KAT6B: variants seen among roughly 807,000 people sequenced by gnomAD.
KAT6B encodes lysine acetyltransferase 6B.
KAT6B carries 10 observed loss-of-function variants against 187.5 expected under a neutral mutation model. The ratio of observed to expected loss-of-function variants is 0.05; its 90% CI spans 0.03 to 0.09. KAT6B has a LOEUF of 0.09. Ranked by LOEUF, KAT6B falls within the 10% of genes least tolerant of loss-of-function variation. KAT6B has a pLI of 1.00. For missense variants in KAT6B, 1,952 were observed against 2,558.9 expected (o/e 0.76, Z 5.12); for synonymous variants, 861 against 926.8 (o/e 0.93, Z 1.29).
At chr10:74,900,240 G>A (rs1182029541) in intron 3 of KAT6B, among the ~76,000 whole-genome samples, 3 of 152,052 alleles carry the variant, frequency 2.0e-5, no homozygotes, top group Admixed American at 6.5e-5. Context: ...TGTCATCCTT[G>A]TCTATATTGA....
intron 4 of KAT6B, among the ~76,000 whole-genome samples, chr10:74,964,046 G>C (rs1185700077): frequency 6.6e-6 from 1 of 152,180 alleles, no homozygotes; most frequent in Non-Finnish European, 1.5e-5. Context: ...CAGGAGAATG[G>C]CTTGAAGCCG....
chr10:74,970,289 A>G (rs1196428594), intron 6 of KAT6B, among the ~76,000 whole-genome samples, 188 bp downstream of exon 6: 1 of 151,522 alleles, frequency 6.6e-6, no homozygotes, highest in Non-Finnish European at 1.5e-5. Context: ...AAATACATAT[A>G]TATATGTGTA....
intron 3 of KAT6B, among the ~76,000 whole-genome samples, chr10:74,854,475 T>C (rs1442501669): frequency 1.3e-5 from 2 of 152,132 alleles, no homozygotes; most frequent in African/African-American, 4.8e-5. Flanking sequence ...TTTTCTGTTT[T>C]TTTTTAATGA....
rs1452668099 is a variant in KAT6B, at chr10:75,004,820, G to A, written c.2629+15708G>A. 7.2e-5 allele frequency among the ~76,000 whole-genome samples: 11 copies of A among 152,150 alleles called. 1 individual carries two copies. The South Asian group carries it at 1.9e-3, about 26-fold the overall frequency. ...GAGCTAAAGTGATCCTCCCATGTCAGCCTCCCAAGTAGCTGGGATTACAGG... is the reference window on the plus strand; with the variant it reads ...GAGCTAAAGTGATCCTCCCATGTCAACCTCCCAAGTAGCTGGGATTACAGG... On this transcript the variant is annotated intron_variant, in intron 13 of 17. Transcript: ENST00000287239.
intron 3 of KAT6B, among the ~76,000 whole-genome samples, chr10:74,921,368 A>C (rs1848115645): frequency 6.6e-6 from 1 of 150,642 alleles, no homozygotes; most frequent in Non-Finnish European, 1.5e-5. Flanking sequence ...CCTGCCTTGA[A>C]CTCCCAAAGT....
intron 1 of KAT6B, among the ~76,000 whole-genome samples, chr10:74,829,304 G>A (rs1840550726): frequency 6.6e-6 from 1 of 152,222 alleles, no homozygotes; most frequent in Non-Finnish European, 1.5e-5. Context: ...TAATTTTAAT[G>A]TGCTTCATAA....
At chr10:75,019,782 C>A (rs1242221611) in intron 13 of KAT6B, among the ~76,000 whole-genome samples, 2 of 93,586 alleles carry the variant, frequency 2.1e-5, no homozygotes, top group East Asian at 6.3e-4. Context: ...TTTTTTTTTT[C>A]CATTTTTAAA....
intron 15 of KAT6B, 57 bp from the exon 16 acceptor site, chr10:75,021,824 G>T (rs139138574): frequency 1.9e-6 from 3 of 1,592,350 alleles, no homozygotes; most frequent in Non-Finnish European, 2.6e-6. Flanking sequence ...GATCCTCAGA[G>T]GCTCTGGCTG....
intron 3 of KAT6B, among the ~76,000 whole-genome samples, chr10:74,895,455 A>G (rs1389798957): frequency 6.6e-6 from 1 of 152,040 alleles, no homozygotes; most frequent in Non-Finnish European, 1.5e-5. Context: ...TCAGGTCTTA[A>G]ATATCTTCCC....
At chr10:74,929,520 C>T (rs1684020357) in intron 3 of KAT6B, among the ~76,000 whole-genome samples, 1 of 152,168 alleles carries the variant, frequency 6.6e-6, no homozygotes, top group African/African-American at 2.4e-5. Context: ...GTCCAAGACA[C>T]AATCCTTATT....
chr10:74,910,545 C>T (rs1847128830), intron 3 of KAT6B, among the ~76,000 whole-genome samples: 1 of 151,878 alleles, frequency 6.6e-6, no homozygotes, highest in Non-Finnish European at 1.5e-5. Flanking sequence ...TTTTCTAAAC[C>T]TTTTGCTGAT....
At chr10:74,949,402 T>C in intron 3 of KAT6B, among the ~76,000 whole-genome samples, 1 of 152,092 alleles carries the variant, frequency 6.6e-6, no homozygotes, top group East Asian at 1.9e-4. Flanking sequence ...AAGAAATTTG[T>C]AGGCTTCATC....
chr10:74,880,803 A>G (rs1394814108), intron 3 of KAT6B, among the ~76,000 whole-genome samples: 1 of 151,832 alleles, frequency 6.6e-6, no homozygotes, highest in Admixed American at 6.6e-5. Flanking sequence ...TTTAGTAGAG[A>G]CGGGGTTTCA....
In KAT6B at chr10:75,028,651, C is replaced by T. The variant is rs1554845417; in HGVS notation, c.3827C>T (p.Pro1276Leu). 2.5e-6 allele frequency: 4 copies of T among 1,614,060 alleles called. No homozygotes were observed. Among genetic ancestry groups the T allele is most frequent in the Non-Finnish European group, 3.4e-6 (4 of 1,180,022 alleles). ...GGATTTAAACTGAATTTGTACACCC[C>T]GCCAGAAACACCCATGGAGCCTGAC... ...KTGFKLNLYT[P>L]PETPMEPDEQ... The change falls in exon 18 of 18, where the codon CCG becomes CTG. Residue 1276 changes from proline (P) to leucine (L), a missense_variant. By Grantham distance (98) the Pro-to-Leu change is moderately conservative. Transcript: ENST00000287239.
intron 1 of KAT6B, among the ~76,000 whole-genome samples, chr10:74,830,762 ATATATATTTTTTTTTTTTTTTTTTT>A (rs1840757026): frequency 3.7e-5 from 1 of 27,198 alleles, no homozygotes; most frequent in African/African-American, 2.9e-4. Context: ...ATATATATAT[ATATATATTTTTTTTTTTTTTTTTTT>A]TTTTTTTTTT....
chr10:74,946,914 A>G (rs568052788), intron 3 of KAT6B, among the ~76,000 whole-genome samples: 13 of 152,268 alleles, frequency 8.5e-5, no homozygotes, highest in Admixed American at 1.3e-4. Context: ...AGTCAGTGCC[A>G]CTTAACTGTA....
At chr10:74,969,548 C>T (rs1841713768) in intron 4 of KAT6B, 112 bp from the exon 5 acceptor site, 1 of 718,970 alleles carries the variant, frequency 1.4e-6, no homozygotes, top group Non-Finnish European at 2.6e-6. Flanking sequence ...TTTTCAAGTT[C>T]CTAAGGTTCA....
rs566635223 is a variant in KAT6B at position 75,018,325 on chromosome 10, T to C, written c.2630-2257T>C. Among the ~76,000 whole-genome samples, 8 of 152,296 alleles carry C rather than the reference T, an allele frequency of 5.3e-5. No individual in the cohort carries two copies. In the South Asian group the frequency reaches 1.7e-3, roughly 32 times the overall value. The stretch of plus-strand genomic sequence containing the variant: ...CCTCCCCAGGACTCTTCCGTGACTA[T>C]CAGTCATAGCCTGAAGTCTGTGTCC... On this transcript the variant is annotated intron_variant, in intron 13 of 17. Transcript: ENST00000287239.
At chr10:74,971,825 G>A (rs1239977512) in intron 6 of KAT6B, among the ~76,000 whole-genome samples, 1 of 151,610 alleles carries the variant, frequency 6.6e-6, no homozygotes, top group African/African-American at 2.4e-5. Flanking sequence ...ATTTATTCTT[G>A]TAAAGGATAG....
Sources: gnomAD v4.1 joint callset for allele counts (sites outside exome capture counted in the v4.1 genomes callset) on GRCh38, gnomAD v4.1.1 for gene constraint, MANE v1.5 for transcripts, NCBI Gene and HGNC (gene_info 2026-07-23, HGNC 2026-07-21) for gene names.